Variants in SLC5A3 observed in about 807,000 individuals in gnomAD.
The protein encoded by SLC5A3 is sodium/myo-inositol cotransporter.
In SLC5A3, 10 loss-of-function variants were observed where a neutral mutation model predicts 43.2. The observed-to-expected ratio is 0.23, with a 90% CI of 0.14 to 0.39. The LOEUF (loss-of-function observed/expected upper bound fraction) is 0.39, where lower values mean the gene tolerates loss of function less well. SLC5A3 is among the 10% of genes least tolerant of loss of function. The pLI, the probability that SLC5A3 is intolerant of heterozygous loss-of-function variation, is 1.00. For missense variants in SLC5A3, 608 were observed against 893.4 expected, an observed-to-expected ratio of 0.68 and a Z score of 4.07; for synonymous variants, 349 against 322.0, an observed-to-expected ratio of 1.08 and a Z score of -0.90.
chr21:34,095,502 A>G lies in SLC5A3; in HGVS notation c.304A>G (p.Ile102Val). 6.2e-7 allele frequency: 1 copy of G among 1,613,864 alleles called. No homozygotes were observed. The highest frequency in any genetic ancestry group is 8.5e-7 in the Non-Finnish European group (1 of 1,180,000). ...GGGATGGGTTTTCATCCCAATTTACATCCGGTCAGGGGTATATACCATGCC... is the reference window on the plus strand; with the variant it reads ...GGGATGGGTTTTCATCCCAATTTACGTCCGGTCAGGGGTATATACCATGCC... ...LLGWVFIPIYIRSGVYTMPEY... is the reference protein window; with the variant it reads ...LLGWVFIPIYVRSGVYTMPEY... Residue 102 changes from isoleucine (I) to valine (V), a missense_variant, in exon 2 of 2, where the codon ATC (isoleucine) becomes GTC (valine). This residue lies in a region of SLC5A3 where 398 missense variants were observed against 668.6 expected (regional missense o/e 0.60). Coordinates refer to ENST00000381151, the MANE Select transcript of SLC5A3 (RefSeq NM_006933.7).
At position 34,076,596 on chromosome 21, in the gene SLC5A3, TTTA is replaced by T. The variant is rs549156502; in HGVS notation, c.-337+2854_-337+2856del. Among the ~76,000 whole-genome samples the T allele has an allele frequency of 3.6e-4, 55 of 152,342 alleles. No homozygotes were observed. The South Asian group carries it at 5.4e-3, about 15-fold the overall frequency. On this transcript the variant is annotated intron_variant, in intron 1 of 1. Coordinates refer to ENST00000381151, the MANE Select transcript of SLC5A3 (RefSeq NM_006933.7). ...GTTAACTAGTGTTTCTAAGAAGAAA[TTTA>T]TTTTCAAGTACCATATAGCTTGATT...
chr21:34,082,246 T>G (rs1332710632), intron 1 of SLC5A3, among the ~76,000 whole-genome samples: 1 of 152,166 alleles, frequency 6.6e-6, no homozygotes, highest in African/African-American at 2.4e-5. Flanking sequence ...TGGTTTGCAG[T>G]AGGACTGATT....
chr21:34,074,352 C>T (rs1270712547), intron 1 of SLC5A3, among the ~76,000 whole-genome samples: 2 of 152,202 alleles, frequency 1.3e-5, no homozygotes, highest in African/African-American at 4.8e-5. Flanking sequence ...TTTGACTTTT[C>T]TTTTTCTGAC....
chr21:34,081,996 A>C (rs1042078159), intron 1 of SLC5A3, among the ~76,000 whole-genome samples: 1 of 150,914 alleles, frequency 6.6e-6, no homozygotes, highest in Non-Finnish European at 1.5e-5. Flanking sequence ...TGGTTTTGCC[A>C]GCTTTTTTTT....
chr21:34,097,846 A>T lies in SLC5A3; in HGVS notation c.*491A>T. 1 of 997,200 alleles carries T rather than the reference A, an allele frequency of 1.0e-6. No individual in the cohort carries two copies. Among genetic ancestry groups the T allele is most frequent in the Non-Finnish European group, 1.2e-6 (1 of 827,166 alleles). 61.8% of individuals were successfully genotyped at this position (997,200 alleles called of 1,614,324 possible). A position where few individuals can be genotyped will look rare whatever the true frequency, so the allele number is the denominator to read the frequency against. On this transcript the variant is annotated 3_prime_UTR_variant, in exon 2 of 2. Transcript: ENST00000381151. ...TGAAAATCGAATGTGCTTGTGTGATACTTGTTTCAGGACAAGTTCATTTGC... is the reference window on the plus strand; with the variant it reads ...TGAAAATCGAATGTGCTTGTGTGATTCTTGTTTCAGGACAAGTTCATTTGC...
intron 1 of SLC5A3, among the ~76,000 whole-genome samples, chr21:34,088,344 G>A (rs11701760): frequency 0.94 from 143,278 of 152,266 alleles, 67,452 homozygotes; most frequent in Admixed American, 0.95. Context: ...ACATAGATAC[G>A]TCTGGTCTTA....
chr21:34,101,276 T>G lies in SLC5A3; in HGVS notation c.*3921T>G, dbSNP rs1979225927. ...TGAAGCACCTTGGCTCTCAGCTACT[T>G]TAAACTCCTCCCCATATAAATCAGG... On this transcript the variant is annotated 3_prime_UTR_variant, in exon 2 of 2. Coordinates refer to ENST00000381151, the MANE Select transcript of SLC5A3 (RefSeq NM_006933.7). 1 of 1,000,130 alleles carries G rather than the reference T, an allele frequency of 1.0e-6. No individual in the cohort carries two copies. Among genetic ancestry groups the G allele is most frequent in the South Asian group, 4.7e-5 (1 of 21,290 alleles). 62.0% of individuals were successfully genotyped at this position (1,000,130 alleles called of 1,614,324 possible).
chr21:34,089,654 C>T (rs1307889116), intron 1 of SLC5A3, among the ~76,000 whole-genome samples: 1 of 151,954 alleles, frequency 6.6e-6, no homozygotes, highest in Admixed American at 6.5e-5. Context: ...CATTCTTAAC[C>T]CCTCCCCACT....
rs1184376017 is a variant in SLC5A3 at position 34,102,137 on chromosome 21, T to C, written c.*4782T>C. The C allele has an allele frequency of 1.0e-6, 1 of 1,000,208 alleles. No homozygotes were observed. Among genetic ancestry groups the C allele is most frequent in the Admixed American group, 6.1e-5 (1 of 16,282 alleles). 62.0% of individuals were successfully genotyped at this position (1,000,208 alleles called of 1,614,324 possible). ...TCAAGGTCACTTAATATGGAATGTT[T>C]TTGTCAGACTGTCCTTTGTTGGAAT... On this transcript the variant is annotated 3_prime_UTR_variant, in exon 2 of 2. Coordinates refer to ENST00000381151, the MANE Select transcript of SLC5A3 (RefSeq NM_006933.7).
chr21:34,099,807 T>A lies in SLC5A3; in HGVS notation c.*2452T>A. 2 of 723,162 alleles carry A rather than the reference T, an allele frequency of 2.8e-6. No homozygotes were observed. The highest frequency in any genetic ancestry group is 3.5e-6 in the Non-Finnish European group (2 of 577,918). 44.8% of individuals were successfully genotyped at this position (723,162 alleles called of 1,614,324 possible). A position where few individuals can be genotyped will look rare whatever the true frequency, so the allele number is the denominator to read the frequency against. ...TAGCATATTCATTAGAATTGTTTAT[T>A]CTTGCCAGTATAAACATCATTTTAT... On this transcript the variant is annotated 3_prime_UTR_variant, in exon 2 of 2. Transcript: ENST00000381151.
intron 1 of SLC5A3, among the ~76,000 whole-genome samples, chr21:34,090,845 A>G (rs973283295): frequency 1.3e-5 from 2 of 152,196 alleles, no homozygotes; most frequent in African/African-American, 4.8e-5. Flanking sequence ...CATGGAACCC[A>G]GCCCTTAAAA....
chr21:34,075,882 T>C (rs1456728267), intron 1 of SLC5A3, among the ~76,000 whole-genome samples: 3 of 152,196 alleles, frequency 2.0e-5, no homozygotes, highest in Non-Finnish European at 4.4e-5. Context: ...TCTAGGCTTA[T>C]GAAATGAAAA....
intron 1 of SLC5A3, among the ~76,000 whole-genome samples, chr21:34,087,614 C>T (rs1192803456): frequency 6.6e-6 from 1 of 152,140 alleles, no homozygotes; most frequent in African/African-American, 2.4e-5. Context: ...TACTTTTGTG[C>T]AAAGACGTAA....
intron 1 of SLC5A3, among the ~76,000 whole-genome samples, chr21:34,090,699 G>A (rs1336491933): frequency 6.6e-6 from 1 of 152,188 alleles, no homozygotes. Context: ...GGCAATACTA[G>A]CTTTCTCTGT....
Position 34,104,368 on chromosome 21 carries a change from T to C in SLC5A3, c.*7013T>C, listed in dbSNP as rs1979383178. 1 of 1,000,062 alleles carries C rather than the reference T, an allele frequency of 1.0e-6. No individual in the cohort carries two copies. Among genetic ancestry groups the C allele is most frequent in the South Asian group, 4.7e-5 (1 of 21,288 alleles). 61.9% of individuals were successfully genotyped at this position (1,000,062 alleles called of 1,614,324 possible). A position where few individuals can be genotyped will look rare whatever the true frequency, so the allele number is the denominator to read the frequency against. Reference sequence around the variant, plus strand: ...CTACTCAGCATTGCCCTTTTCCACCTCCTCACTTCACCTCCGAGTAGCTTG... The same window carrying C: ...CTACTCAGCATTGCCCTTTTCCACCCCCTCACTTCACCTCCGAGTAGCTTG... On this transcript the variant is annotated 3_prime_UTR_variant, in exon 2 of 2. Transcript: ENST00000381151.
rs1979148721 is a variant in SLC5A3, at chr21:34,099,721, G to C, written c.*2366G>C. On this transcript the variant is annotated 3_prime_UTR_variant, in exon 2 of 2. Coordinates refer to ENST00000381151, the MANE Select transcript of SLC5A3 (RefSeq NM_006933.7). The stretch of plus-strand genomic sequence containing the variant: ...ACATAAGGTACATCATCTTGTGTCT[G>C]TGTGTATATAGCAGTAGGTCAAGTT... 1 of 997,824 alleles carries C rather than the reference G, an allele frequency of 1.0e-6. No homozygotes were observed. The highest frequency in any genetic ancestry group is 1.7e-5 in the African/African-American group (1 of 57,184). The allele number at this position is 997,824 out of a possible 1,614,324, so 61.8% of individuals were successfully genotyped here.
rs1979119921 is a variant in SLC5A3 at position 34,099,242 on chromosome 21, A to T, written c.*1887A>T. Reference sequence around the variant, plus strand: ...GGTTTATAATTTGGGGGCCAAATAGATAGAGCTCATCATTTTCTTGTTTGG... The same window carrying T: ...GGTTTATAATTTGGGGGCCAAATAGTTAGAGCTCATCATTTTCTTGTTTGG... On this transcript the variant is annotated 3_prime_UTR_variant, in exon 2 of 2. Transcript: ENST00000381151. 4 of 1,000,090 alleles carry T rather than the reference A, an allele frequency of 4.0e-6. No homozygotes were observed. Among genetic ancestry groups the T allele is most frequent in the African/African-American group, 1.7e-5 (1 of 57,224 alleles). The allele number at this position is 1,000,090 out of a possible 1,614,324, so 62.0% of individuals were successfully genotyped here.
In SLC5A3 at chr21:34,096,551, A is replaced by C; in HGVS notation, c.1353A>C (p.Pro451=). The change falls in exon 2 of 2, where the codon CCA becomes CCC. Residue 451 remains proline, a synonymous_variant. Coordinates refer to ENST00000381151, the MANE Select transcript of SLC5A3 (RefSeq NM_006933.7). This position sits in a 1 kb window ranked among gnomAD's most constrained non-coding sequence, Gnocchi z 5.9. ...IQEVADYLTP[P]VAALFLLAIF... ...AGGTAGCAGATTACCTGACACCCCC[A>C]GTGGCAGCCTTGTTCCTGCTGGCAA... The C allele has an allele frequency of 6.2e-7, 1 of 1,614,160 alleles. No individual in the cohort carries two copies. The highest frequency in any genetic ancestry group is 8.5e-7 in the Non-Finnish European group (1 of 1,180,004).
chr21:34,099,639 A>G lies in SLC5A3; in HGVS notation c.*2284A>G, dbSNP rs1420654989. ...CTCCCTTTATTTAACATTGAGTCCT[A>G]GTAGTTTGGAGAATTAGGGTCCCTC... On this transcript the variant is annotated 3_prime_UTR_variant, in exon 2 of 2. Transcript: ENST00000381151. 3.0e-6 allele frequency: 3 copies of G among 997,762 alleles called. No homozygotes were observed. The highest frequency in any genetic ancestry group is 3.6e-6 in the Non-Finnish European group (3 of 829,244). 61.8% of individuals were successfully genotyped at this position (997,762 alleles called of 1,614,324 possible).
Sources: gnomAD v4.1 joint callset for allele counts (sites outside exome capture counted in the v4.1 genomes callset) on GRCh38, gnomAD v4.1.1 for gene constraint, gnomAD v4.1.1 regional missense constraint, Gnocchi (gnomAD v3.1) non-coding constraint, MANE v1.5 for transcripts, NCBI Gene and HGNC (gene_info 2026-07-23, HGNC 2026-07-21) for gene names.